Variants in PCDHGC3 observed in about 807,000 individuals in gnomAD.
PCDHGC3 encodes the protein protocadherin gamma-C3.
PCDHGC3 carries 26 observed loss-of-function variants against 59.2 expected under a neutral mutation model. That is an observed-to-expected ratio of 0.44 (90% CI 0.32 to 0.61). The LOEUF is 0.61. Ranked by LOEUF, PCDHGC3 falls within the 20% of genes least tolerant of loss-of-function variation. PCDHGC3 has a pLI of 0.05. For synonymous variants in PCDHGC3, 487 were observed against 519.7 expected, an observed-to-expected ratio of 0.94 and a Z score of 0.86; for missense variants, 1,080 against 1,221.8, an observed-to-expected ratio of 0.88 and a Z score of 1.73.
chr5:141,500,498 C>T (rs1487770160), intron 2 of PCDHGC3, among the ~76,000 whole-genome samples: 5 of 152,120 alleles, frequency 3.3e-5, no homozygotes, highest in African/African-American at 7.2e-5. Context: ...CGTGAGCCAC[C>T]GCGCCTGGCC....
At chr5:141,495,492 G>C (rs1321150765) in intron 2 of PCDHGC3, among the ~76,000 whole-genome samples, 1 of 152,148 alleles carries the variant, frequency 6.6e-6, no homozygotes, top group Non-Finnish European at 1.5e-5. Flanking sequence ...CCTTTTTCTT[G>C]AGTTTCCGTC....
At position 141,495,009 on chromosome 5, in the gene PCDHGC3, G is replaced by A; in HGVS notation, c.2489+144G>A. 6 of 1,518,622 alleles carry A rather than the reference G, an allele frequency of 4.0e-6. No homozygotes were observed. The South Asian group carries it at 6.2e-5, about 16-fold the overall frequency. The allele number at this position is 1,518,622 out of a possible 1,614,324, so 94.1% of individuals were successfully genotyped here. ...TCCCAGGGAGGTCTTGGTGTGCGGG[G>A]GGCTGGCACACAGACCCCGGAAGGA... is the stretch of plus-strand genomic sequence containing the variant. On this transcript the variant is annotated intron_variant, in intron 2 of 3. Coordinates refer to ENST00000308177, the MANE Select transcript of PCDHGC3 (RefSeq NM_002588.4).
At chr5:141,505,151 G>T (rs2099844154) in intron 2 of PCDHGC3, among the ~76,000 whole-genome samples, 1 of 152,164 alleles carries the variant, frequency 6.6e-6, no homozygotes, top group Non-Finnish European at 1.5e-5. Context: ...GACAGAGTAA[G>T]ACCCTGTCTA....
chr5:141,481,021 GC>G (rs2099529893), intron 1 of PCDHGC3, among the ~76,000 whole-genome samples: 1 of 152,076 alleles, frequency 6.6e-6, no homozygotes, highest in Non-Finnish European at 1.5e-5. Context: ...TCACACCACT[GC>G]ACTCCAGCCT....
At chr5:141,508,681 C>T (rs970069) in intron 3 of PCDHGC3, among the ~76,000 whole-genome samples, 26,289 of 151,984 alleles carry the variant, frequency 0.17, 2,539 homozygotes, top group Admixed American at 0.29. Flanking sequence ...CTCCCTTCTC[C>T]CTGCTTCTCC....
Position 141,491,717 on chromosome 5 carries a change from C to A in PCDHGC3, c.2431-3090C>A. ...CGGAGCCAGGTGAGGGGCTCGGCGC[C>A]GCCCCGGGCGACCCCTGGGGGCGGC... On this transcript the variant is annotated intron_variant, in intron 1 of 3. Coordinates refer to ENST00000308177, the MANE Select transcript of PCDHGC3 (RefSeq NM_002588.4). The surrounding 1 kb of genome is among the most constrained non-coding windows in gnomAD (Gnocchi z 6.9). 1 of 1,607,940 alleles carries A rather than the reference C, an allele frequency of 6.2e-7. No individual in the cohort carries two copies. Among genetic ancestry groups the A allele is most frequent in the Middle Eastern group, 1.7e-4 (1 of 6,010 alleles).
Position 141,485,844 on chromosome 5 carries a change from G to A in PCDHGC3, c.2430+7298G>A, listed in dbSNP as rs201857404. On this transcript the variant is annotated intron_variant, in intron 1 of 3. Transcript: ENST00000308177. The surrounding 1 kb of genome is among the most constrained non-coding windows in gnomAD (Gnocchi z 5.7). ...GATGGAGGGAACCCGCCGAGATCTGGCACCGCAGAGCTCCGGGTATCCGTG... is the reference window on the plus strand; with the variant it reads ...GATGGAGGGAACCCGCCGAGATCTGACACCGCAGAGCTCCGGGTATCCGTG... 6 of 1,613,890 alleles carry A rather than the reference G, an allele frequency of 3.7e-6. No homozygotes were observed. In the East Asian group the frequency reaches 1.1e-4, roughly 30 times the overall value.
In PCDHGC3 at chr5:141,499,962, A is replaced by G. The variant is rs147527188; in HGVS notation, c.2489+5097A>G. Among the ~76,000 whole-genome samples the G allele has an allele frequency of 3.7e-3, 563 of 152,178 alleles. 5 individuals are homozygous for G. Among genetic ancestry groups the G allele is most frequent in the Admixed American group, 0.011 (164 of 15,288 alleles). On this transcript the variant is annotated intron_variant, in intron 2 of 3. Coordinates refer to ENST00000308177, the MANE Select transcript of PCDHGC3 (RefSeq NM_002588.4). ...CTCGGCCTCCCAAAATGTTGGGATT[A>G]CAGGTGTGAGCCACCTTGCCCGGCC...
At position 141,487,010 on chromosome 5, in the gene PCDHGC3, GC is replaced by G. The variant is rs2099638172; in HGVS notation, c.2431-7793del. ...TTGGGTTTCCTATCAGCTCCTGGAG[GC>G]CCCAGATCCCAGCCTGTTTGCAGTC... is the stretch of plus-strand genomic sequence containing the variant. On this transcript the variant is annotated intron_variant, in intron 1 of 3. Coordinates refer to ENST00000308177, the MANE Select transcript of PCDHGC3 (RefSeq NM_002588.4). This position sits in a 1 kb window ranked among gnomAD's most constrained non-coding sequence, Gnocchi z 5.0. 6.2e-7 allele frequency: 1 copy of G among 1,614,096 alleles called. No individual in the cohort carries two copies. Among genetic ancestry groups the G allele is most frequent in the Non-Finnish European group, 8.5e-7 (1 of 1,180,056 alleles).
At position 141,491,423 on chromosome 5, in the gene PCDHGC3, G is replaced by C; in HGVS notation, c.2431-3384G>C. On this transcript the variant is annotated intron_variant, in intron 1 of 3. Transcript: ENST00000308177. The surrounding 1 kb of genome is among the most constrained non-coding windows in gnomAD (Gnocchi z 6.9). ...AACGCAGACGGGGACGGGGGTGGAG[G>C]GCAGTGCTGCAGGCGCCAGGACTCA... 1 of 1,614,126 alleles carries C rather than the reference G, an allele frequency of 6.2e-7. No individual in the cohort carries two copies. Among genetic ancestry groups the C allele is most frequent in the South Asian group, 1.1e-5 (1 of 91,090 alleles).
At chr5:141,481,024 C>CTGGA (rs1200299352) in intron 1 of PCDHGC3, among the ~76,000 whole-genome samples, 3 of 152,122 alleles carry the variant, frequency 2.0e-5, no homozygotes, top group Admixed American at 1.3e-4. Flanking sequence ...CACCACTGCA[C>CTGGA]TCCAGCCTGG....
rs113341686 is a variant in PCDHGC3, at chr5:141,488,763, G to A, written c.2431-6044G>A. Among the ~76,000 whole-genome samples the A allele has an allele frequency of 6.6e-4, 101 of 152,264 alleles. 1 individual carries two copies. The highest frequency in any genetic ancestry group is 1.7e-3 in the African/African-American group (69 of 41,544). ...ATGCAGGAAGTTGCTGGGACAGAACGCTGAGGAGTTTTGTATCACTTTGTC... is the reference window on the plus strand; with the variant it reads ...ATGCAGGAAGTTGCTGGGACAGAACACTGAGGAGTTTTGTATCACTTTGTC... On this transcript the variant is annotated intron_variant, in intron 1 of 3. Coordinates refer to ENST00000308177, the MANE Select transcript of PCDHGC3 (RefSeq NM_002588.4).
intron 1 of PCDHGC3, chr5:141,478,925 G>T: frequency 1.4e-6 from 1 of 700,562 alleles, no homozygotes; most frequent in Non-Finnish European, 2.2e-6. Context: ...TCTAACCAGT[G>T]GCAGCTTCTA....
chr5:141,483,442 AATCATCAGGACTTGTTG>A (rs2099581330), intron 1 of PCDHGC3, among the ~76,000 whole-genome samples: 1 of 152,196 alleles, frequency 6.6e-6, no homozygotes, highest in Non-Finnish European at 1.5e-5. Context: ...ACTACAATAA[AATCATCAGGACTTGTTG>A]ATTGACATGA....
At position 141,486,996 on chromosome 5, in the gene PCDHGC3, A is replaced by G; in HGVS notation, c.2431-7811A>G. ...TCAGGTTACAATGCTTGGGTTTCCT[A>G]TCAGCTCCTGGAGGCCCCAGATCCC... On this transcript the variant is annotated intron_variant, in intron 1 of 3. Coordinates refer to ENST00000308177, the MANE Select transcript of PCDHGC3 (RefSeq NM_002588.4). This position sits in a 1 kb window ranked among gnomAD's most constrained non-coding sequence, Gnocchi z 5.0. 6.2e-7 allele frequency: 1 copy of G among 1,614,152 alleles called. No individual in the cohort carries two copies. Among genetic ancestry groups the G allele is most frequent in the Non-Finnish European group, 8.5e-7 (1 of 1,180,032 alleles).
Position 141,476,021 on chromosome 5 carries a change from C to T in PCDHGC3, c.-96C>T. The T allele has an allele frequency of 7.1e-7, 1 of 1,400,498 alleles. No individual in the cohort carries two copies. The highest frequency in any genetic ancestry group is 1.4e-5 in the South Asian group (1 of 71,458). 86.8% of individuals were successfully genotyped at this position (1,400,498 alleles called of 1,614,324 possible). A position where few individuals can be genotyped will look rare whatever the true frequency, so the allele number is the denominator to read the frequency against. ...GGCATCCAGAAAGCCATGTCGGACT[C>T]GGCGCCCAGCGCCCAAGCGCTAACC... On this transcript the variant is annotated 5_prime_UTR_variant, in exon 1 of 4. Coordinates refer to ENST00000308177, the MANE Select transcript of PCDHGC3 (RefSeq NM_002588.4). This position sits in a 1 kb window ranked among gnomAD's most constrained non-coding sequence, Gnocchi z 7.6.
chr5:141,483,133 T>C (rs1263073911), intron 1 of PCDHGC3, among the ~76,000 whole-genome samples: 25 of 152,142 alleles, frequency 1.6e-4, no homozygotes, highest in South Asian at 1.2e-3. Flanking sequence ...GGAGATGAGG[T>C]GAAGCAAGTA....
chr5:141,495,977 T>C (rs2099765025), intron 2 of PCDHGC3, among the ~76,000 whole-genome samples: 1 of 152,174 alleles, frequency 6.6e-6, no homozygotes, highest in Admixed American at 6.5e-5. Flanking sequence ...TCTGTTACTC[T>C]TTCTTTATCT....
chr5:141,478,479 C>T lies in PCDHGC3; in HGVS notation c.2363C>T (p.Thr788Met), dbSNP rs750055106. Residue 788 changes from threonine (T) to methionine (M), a missense_variant, in exon 1 of 4, where the codon ACG (threonine) becomes ATG (methionine). Physicochemically the swap from Thr to Met is moderately conservative, Grantham distance 81. Coordinates refer to ENST00000308177, the MANE Select transcript of PCDHGC3 (RefSeq NM_002588.4). ...AASPLASRQN[T>M]LRSCDPVFYR... ...AGTCCACTGGCCAGCCGCCAGAACA[C>T]GCTGCGGAGCTGTGATCCGGTGTTC... is the stretch of plus-strand genomic sequence containing the variant. 3 of 1,613,550 alleles carry T rather than the reference C, an allele frequency of 1.9e-6. No homozygotes were observed. Among genetic ancestry groups the T allele is most frequent in the Admixed American group, 1.7e-5 (1 of 59,890 alleles).
Sources: gnomAD v4.1 joint callset for allele counts (sites outside exome capture counted in the v4.1 genomes callset) on GRCh38, gnomAD v4.1.1 for gene constraint, Gnocchi (gnomAD v3.1) non-coding constraint, MANE v1.5 for transcripts, NCBI Gene and HGNC (gene_info 2026-07-23, HGNC 2026-07-21) for gene names.